SLC12A2: variants seen among roughly 807,000 people sequenced by gnomAD.
SLC12A2 encodes the protein Na-K-2Cl cotransporter 1.
In SLC12A2, 67 loss-of-function variants were observed where a neutral mutation model predicts 136.3. The ratio of observed to expected loss-of-function variants is 0.49; its 90% CI spans 0.40 to 0.60. The LOEUF is 0.60. Among genes scored for constraint, SLC12A2 ranks in the 20% least tolerant of loss-of-function variants. The pLI is 0.00. For missense variants in SLC12A2, 1,322 were observed against 1,534.7 expected (o/e 0.86, Z 2.32); for synonymous variants, 619 against 562.9 (o/e 1.10, Z -1.41).
chr5:128,088,941 G>A (rs1011560602), intron 1 of SLC12A2, among the ~76,000 whole-genome samples: 1 of 152,102 alleles, frequency 6.6e-6, no homozygotes, highest in Non-Finnish European at 1.5e-5. Context: ...GGCCGAGGCG[G>A]GTGGATCACC....
Position 128,138,844 on chromosome 5 carries a change from C to G in SLC12A2, c.1557C>G (p.Pro519=), listed in dbSNP as rs779736185. 1 of 1,613,112 alleles carries G rather than the reference C, an allele frequency of 6.2e-7. No homozygotes were observed. Among genetic ancestry groups the G allele is most frequent in the Non-Finnish European group, 8.5e-7 (1 of 1,179,440 alleles). Residue 519 remains proline (P), a synonymous_variant, in exon 9 of 27, where the codon CCC becomes CCG. Coordinates refer to ENST00000262461, the MANE Select transcript of SLC12A2 (RefSeq NM_001046.3). ...TCTAGGATCCTCAGTCAGCCATACC[C>G]AAAGGAACACTCCTAGCCATTTTAA... The part of the protein sequence containing the change: ...GDLADPQSAI[P]KGTLLAILIT...
At chr5:128,095,388 C>T (rs1425187353) in intron 1 of SLC12A2, among the ~76,000 whole-genome samples, 2 of 151,978 alleles carry the variant, frequency 1.3e-5, no homozygotes, top group South Asian at 2.1e-4. Context: ...CAAGATAATA[C>T]CTGGTAGGGC....
At chr5:128,131,256 A>C in intron 5 of SLC12A2, 50 bp downstream of exon 5, 1 of 1,563,994 alleles carries the variant, frequency 6.4e-7, no homozygotes, top group African/African-American at 1.4e-5. Context: ...TTATTGAGGG[A>C]TTATATGCCG....
chr5:128,149,036 T>G (rs1762616450), intron 12 of SLC12A2, among the ~76,000 whole-genome samples, 159 bp downstream of exon 12: 1 of 151,854 alleles, frequency 6.6e-6, no homozygotes, highest in Non-Finnish European at 1.5e-5. Context: ...GAGTACATAT[T>G]TGCTGAAATT....
At chr5:128,126,969 T>TATATAA (rs1483249957) in intron 4 of SLC12A2, among the ~76,000 whole-genome samples, 5 of 123,414 alleles carry the variant, frequency 4.1e-5, no homozygotes, top group Admixed American at 7.7e-5. Flanking sequence ...TATATATATT[T>TATATAA]TTTTTTTTTT....
intron 17 of SLC12A2, among the ~76,000 whole-genome samples, chr5:128,165,920 C>G (rs76980152): frequency 2.5e-4 from 1 of 4,008 alleles, no homozygotes; most frequent in East Asian, 4.1e-3. Context: ...CTTTTACCTC[C>G]CCCCCCCCCC....
At chr5:128,148,069 T>C (rs1195850792) in intron 11 of SLC12A2, among the ~76,000 whole-genome samples, 1 of 151,652 alleles carries the variant, frequency 6.6e-6, no homozygotes, top group African/African-American at 2.4e-5. Context: ...TAGTAAAATA[T>C]CTTTGTTCTA....
At chr5:128,171,587 A>G (rs1763376601) in intron 18 of SLC12A2, 80 bp from the exon 19 acceptor site, 6 of 825,696 alleles carry the variant, frequency 7.3e-6, no homozygotes, top group South Asian at 4.7e-5. Context: ...GAGATCATCT[A>G]TTATTTATTT....
chr5:128,148,531 G>A (rs539374729), intron 11 of SLC12A2, among the ~76,000 whole-genome samples: 1 of 151,740 alleles, frequency 6.6e-6, no homozygotes, highest in Non-Finnish European at 1.5e-5. Context: ...TTTCAACATG[G>A]GGATAGGGTA....
intron 1 of SLC12A2, among the ~76,000 whole-genome samples, chr5:128,107,958 T>A (rs1761003238): frequency 6.6e-6 from 1 of 152,132 alleles, no homozygotes; most frequent in Non-Finnish European, 1.5e-5. Context: ...TCCTGACTTT[T>A]TAATGATTGC....
Position 128,186,870 on chromosome 5 carries a change from G to A in SLC12A2, c.*239G>A. On this transcript the variant is annotated 3_prime_UTR_variant, in exon 27 of 27. Transcript: ENST00000262461. ...TCTTCTCTGTTGAACTGAAGTTTGT[G>A]AGAGTAGTTTTCCTTTGCTACTTGA... 2.7e-6 allele frequency: 1 copy of A among 370,798 alleles called. No individual in the cohort carries two copies. 23.0% of individuals were successfully genotyped at this position (370,798 alleles called of 1,614,324 possible).
chr5:128,115,939 T>G (rs1219793610), intron 4 of SLC12A2, among the ~76,000 whole-genome samples: 1 of 152,202 alleles, frequency 6.6e-6, no homozygotes, highest in Non-Finnish European at 1.5e-5. Flanking sequence ...ATGCTGAGCA[T>G]TCATCACTGT....
chr5:128,151,947 T>C (rs777513328), intron 14 of SLC12A2, among the ~76,000 whole-genome samples: 18 of 152,146 alleles, frequency 1.2e-4, no homozygotes, highest in Non-Finnish European at 2.6e-4. Context: ...GTCGTATTGA[T>C]AACAGCTAAA....
At chr5:128,185,444 G>T (rs1018059507) in intron 26 of SLC12A2, among the ~76,000 whole-genome samples, 10 of 151,834 alleles carry the variant, frequency 6.6e-5, no homozygotes, top group Admixed American at 6.6e-4. Flanking sequence ...CCTTAGATAG[G>T]AAAGCTCAGG....
chr5:128,084,342 A>G lies in SLC12A2; in HGVS notation c.388A>G (p.Lys130Glu), dbSNP rs1316931053. The G allele has an allele frequency of 6.3e-7, 1 of 1,585,604 alleles. No individual in the cohort carries two copies. The highest frequency in any genetic ancestry group is 8.5e-7 in the Non-Finnish European group (1 of 1,170,112). ...GEASGESEPA[K>E]GSEEAKGRFR... Reference sequence around the variant, plus strand: ...AGCCAGCGGCGAGAGCGAGCCGGCTAAAGGCAGCGAGGAAGCCAAGGGCCG... The same window carrying G: ...AGCCAGCGGCGAGAGCGAGCCGGCTGAAGGCAGCGAGGAAGCCAAGGGCCG... The change falls in exon 1 of 27, where the codon AAA becomes GAA. Residue 130 changes from lysine (K) to glutamate (E), a missense_variant. Lys to Glu is a moderately conservative substitution (Grantham distance 56). Transcript: ENST00000262461. The surrounding 1 kb of genome is among the most constrained non-coding windows in gnomAD (Gnocchi z 5.6).
At chr5:128,166,049 T>C (rs759061483) in intron 17 of SLC12A2, among the ~76,000 whole-genome samples, 1 of 151,966 alleles carries the variant, frequency 6.6e-6, no homozygotes, top group Non-Finnish European at 1.5e-5. Flanking sequence ...ATTTACTTCT[T>C]GAAAGAAGTC....
intron 4 of SLC12A2, among the ~76,000 whole-genome samples, chr5:128,117,900 C>A (rs1272463105): frequency 6.6e-6 from 1 of 151,976 alleles, no homozygotes; most frequent in African/African-American, 2.4e-5. Context: ...AAAAAATGGG[C>A]AAAGGACATG....
At chr5:128,121,206 C>G (rs2126681670) in intron 4 of SLC12A2, among the ~76,000 whole-genome samples, 1 of 152,248 alleles carries the variant, frequency 6.6e-6, no homozygotes, top group South Asian at 2.1e-4. Flanking sequence ...ACTTTAAAGT[C>G]TCATGTAATG....
chr5:128,171,995 A>C, intron 19 of SLC12A2: 2 of 310,294 alleles, frequency 6.4e-6, no homozygotes, highest in Non-Finnish European at 1.2e-5. Context: ...AGCTTAAGAG[A>C]AACAGACATT....
Sources: gnomAD v4.1 joint callset for allele counts (sites outside exome capture counted in the v4.1 genomes callset) on GRCh38, gnomAD v4.1.1 for gene constraint, Gnocchi (gnomAD v3.1) non-coding constraint, MANE v1.5 for transcripts, NCBI Gene and HGNC (gene_info 2026-07-23, HGNC 2026-07-21) for gene names.